EBF1: variants seen among roughly 807,000 people sequenced by gnomAD.
EBF1 encodes transcription factor COE1.
Under a neutral mutation model 68.4 loss-of-function variants are expected in EBF1, and 10 were observed. The ratio of observed to expected loss-of-function variants is 0.15; its 90% CI spans 0.09 to 0.25. EBF1 has a LOEUF of 0.25. Ranked by LOEUF, EBF1 falls within the 10% of genes least tolerant of loss-of-function variation. The pLI, the probability that EBF1 is intolerant of heterozygous loss-of-function variation, is 1.00. For synonymous variants in EBF1, 298 were observed against 299.8 expected (o/e 0.99, Z 0.06); for missense variants, 509 against 794.4 (o/e 0.64, Z 4.32).
chr5:158,792,252 C>T (rs536088943), intron 9 of EBF1, among the ~76,000 whole-genome samples: 14 of 152,182 alleles, frequency 9.2e-5, no homozygotes, highest in Admixed American at 2.6e-4. Flanking sequence ...GAGGAGAAAT[C>T]GCAAGAAACA....
intron 9 of EBF1, among the ~76,000 whole-genome samples, chr5:158,793,962 T>C (rs1433224783): frequency 6.6e-6 from 1 of 152,186 alleles, no homozygotes; most frequent in Non-Finnish European, 1.5e-5. Context: ...CTTCTGAACA[T>C]CAGGACAATC....
At chr5:158,993,323 C>T (rs1347353013) in intron 6 of EBF1, among the ~76,000 whole-genome samples, 4 of 152,188 alleles carry the variant, frequency 2.6e-5, no homozygotes, top group Non-Finnish European at 5.9e-5. Flanking sequence ...GCTAGGATTA[C>T]AGGCATGAGC....
intron 5 of EBF1, among the ~76,000 whole-genome samples, chr5:159,076,465 C>A (rs762969704): frequency 6.6e-6 from 1 of 152,246 alleles, no homozygotes; most frequent in African/African-American, 2.4e-5. Flanking sequence ...ATAAAAATGT[C>A]CCTGAGAGCA....
intron 6 of EBF1, among the ~76,000 whole-genome samples, chr5:159,046,967 C>T (rs972405997): frequency 2.6e-5 from 4 of 152,212 alleles, no homozygotes; most frequent in African/African-American, 7.2e-5. Context: ...GGACAGAATC[C>T]GTACCCTCCA....
At position 159,099,526 on chromosome 5, in the gene EBF1, TAAA is replaced by T. The variant is rs5872586; in HGVS notation, c.-51_-49del. On this transcript the variant is annotated 5_prime_UTR_variant, in exon 1 of 16. Transcript: ENST00000313708. Reference sequence around the variant, plus strand: ...AAATCTCCTCCCCCTTGAAAAAAATTAAAAAAAAAAAAAAAGGAAAGAAAAGAA... The same window carrying T: ...AAATCTCCTCCCCCTTGAAAAAAATTAAAAAAAAAAAAGGAAAGAAAAGAA... The T allele has an allele frequency of 5.2e-4, 574 of 1,098,818 alleles. No homozygotes were observed. The highest frequency in any genetic ancestry group is 1.7e-3 in the South Asian group (62 of 36,640). The allele number at this position is 1,098,818 out of a possible 1,614,324, so 68.1% of individuals were successfully genotyped here. A position where few individuals can be genotyped will look rare whatever the true frequency, so the allele number is the denominator to read the frequency against.
intron 6 of EBF1, among the ~76,000 whole-genome samples, chr5:158,915,028 G>T (rs759422648): frequency 6.6e-6 from 1 of 152,162 alleles, no homozygotes; most frequent in African/African-American, 2.4e-5. Flanking sequence ...TAAGTAATTT[G>T]ATTAACAGGA....
intron 14 of EBF1, among the ~76,000 whole-genome samples, chr5:158,709,726 T>C (rs1201269012): frequency 6.6e-6 from 1 of 152,250 alleles, no homozygotes; most frequent in Non-Finnish European, 1.5e-5. Context: ...CTGTACTTTT[T>C]CTTTTAATGA....
intron 11 of EBF1, among the ~76,000 whole-genome samples, chr5:158,728,911 C>T (rs1281361543): frequency 6.6e-6 from 1 of 152,136 alleles, no homozygotes; most frequent in African/African-American, 2.4e-5. Context: ...CCAAGGGCAC[C>T]CATGAGATGA....
chr5:158,800,357 A>G (rs1780359959), intron 8 of EBF1, among the ~76,000 whole-genome samples: 1 of 152,144 alleles, frequency 6.6e-6, no homozygotes. Flanking sequence ...GGAAGGAAGG[A>G]TATGTATAAC....
intron 9 of EBF1, among the ~76,000 whole-genome samples, chr5:158,791,696 C>T (rs1477366330): frequency 6.6e-6 from 1 of 152,062 alleles, no homozygotes. Context: ...GTAAGAGGAA[C>T]TTGATTGGTC....
intron 6 of EBF1, among the ~76,000 whole-genome samples, chr5:158,864,795 C>A (rs1013814259): frequency 1.3e-5 from 2 of 152,112 alleles, no homozygotes; most frequent in Non-Finnish European, 2.9e-5. Context: ...CCCAGAAAAG[C>A]ATTCCAGTTA....
chr5:158,819,699 C>A (rs1164842924), intron 8 of EBF1, among the ~76,000 whole-genome samples: 2 of 152,198 alleles, frequency 1.3e-5, no homozygotes, highest in Non-Finnish European at 2.9e-5. Context: ...AAAATTGGAA[C>A]TGAGAGAGCA....
At chr5:158,701,941 A>G (rs1423401012) in intron 15 of EBF1, among the ~76,000 whole-genome samples, 2 of 152,140 alleles carry the variant, frequency 1.3e-5, no homozygotes, top group Admixed American at 6.5e-5. Flanking sequence ...GAGTATCCTC[A>G]TGGGGAATCT....
chr5:158,724,251 G>T (rs1187611613), intron 11 of EBF1, among the ~76,000 whole-genome samples: 1 of 152,176 alleles, frequency 6.6e-6, no homozygotes, highest in Non-Finnish European at 1.5e-5. Flanking sequence ...GTTTTCGTCT[G>T]AGGAGGGTCA....
chr5:158,916,438 T>G (rs774246898), intron 6 of EBF1, among the ~76,000 whole-genome samples: 1 of 152,216 alleles, frequency 6.6e-6, no homozygotes, highest in Admixed American at 6.5e-5. Flanking sequence ...AAAATCATCA[T>G]GTAAAAATAG....
At chr5:158,707,703 C>T (rs1418935223) in intron 15 of EBF1, 1 of 444,338 alleles carries the variant, frequency 2.3e-6, no homozygotes, top group Non-Finnish European at 4.1e-6. Flanking sequence ...TCAGTAGAAA[C>T]AGTATTCCCA....
chr5:159,043,232 C>T (rs980906393), intron 6 of EBF1, among the ~76,000 whole-genome samples: 1 of 152,154 alleles, frequency 6.6e-6, no homozygotes, highest in Non-Finnish European at 1.5e-5. Context: ...GTCCATCTGA[C>T]TCCAGCATGT....
At chr5:159,094,000 C>CTTTT (rs35491355) in intron 4 of EBF1, among the ~76,000 whole-genome samples, 6 of 130,090 alleles carry the variant, frequency 4.6e-5, no homozygotes, top group African/African-American at 1.8e-4. Context: ...TCCCTCCCAA[C>CTTTT]TTTTTTTTTT....
At chr5:158,710,616 C>G (rs1758998450) in intron 14 of EBF1, among the ~76,000 whole-genome samples, 3 of 152,122 alleles carry the variant, frequency 2.0e-5, no homozygotes, top group African/African-American at 7.2e-5. Flanking sequence ...TGATTCCAAA[C>G]TAAGATGAAA....
Sources: gnomAD v4.1 joint callset for allele counts (sites outside exome capture counted in the v4.1 genomes callset) on GRCh38, gnomAD v4.1.1 for gene constraint, MANE v1.5 for transcripts, NCBI Gene and HGNC (gene_info 2026-07-23, HGNC 2026-07-21) for gene names.